MAP3K5: variants seen among roughly 807,000 people sequenced by gnomAD.
MAP3K5 encodes mitogen-activated protein kinase kinase kinase 5.
A neutral mutation model predicts 158.7 loss-of-function variants in MAP3K5; 56 were observed. That is an observed-to-expected ratio of 0.35 (90% CI 0.28 to 0.44). The LOEUF (loss-of-function observed/expected upper bound fraction) is 0.44. MAP3K5 is among the 20% of genes least tolerant of loss of function. MAP3K5 has a pLI of 1.00. For missense variants in MAP3K5, 1,294 were observed against 1,674.8 expected, an observed-to-expected ratio of 0.77 and a Z score of 3.97; for synonymous variants, 579 against 601.7, an observed-to-expected ratio of 0.96 and a Z score of 0.55.
At chr6:136,612,712 T>A (rs1776397196) in intron 17 of MAP3K5, among the ~76,000 whole-genome samples, 1 of 152,214 alleles carries the variant, frequency 6.6e-6, no homozygotes, top group African/African-American at 2.4e-5. Context: ...GGAATTTTTT[T>A]TCTTCTAACC....
In MAP3K5 at chr6:136,739,244, C is replaced by T. The variant is rs144572773; in HGVS notation, c.449-18655G>A. 9.0e-3 allele frequency among the ~76,000 whole-genome samples: 1,369 copies of T among 152,244 alleles called. 10 individuals are homozygous for T. The highest frequency in any genetic ancestry group is 0.041 in the Middle Eastern group (12 of 294). On this transcript the variant is annotated intron_variant, in intron 1 of 29. Transcript: ENST00000359015. ...CAGGCATTACAAATGGCCATGGTGT[C>T]GCTCCTGCCTGCTATGCCTGGGGTG... is the stretch of plus-strand genomic sequence containing the variant.
intron 14 of MAP3K5, among the ~76,000 whole-genome samples, chr6:136,633,225 C>G (rs915122312): frequency 1.3e-5 from 2 of 151,710 alleles, no homozygotes; most frequent in South Asian, 2.1e-4. Context: ...ATGGTGAAAC[C>G]CTGTCTCTAC....
intron 26 of MAP3K5, among the ~76,000 whole-genome samples, chr6:136,566,089 C>T (rs1017725031): frequency 2.6e-5 from 4 of 152,072 alleles, no homozygotes; most frequent in Non-Finnish European, 5.9e-5. Context: ...AGAAAGCGGC[C>T]GGAAGCCCTC....
At chr6:136,642,790 C>T (rs2114323901) in intron 11 of MAP3K5, among the ~76,000 whole-genome samples, 1 of 152,120 alleles carries the variant, frequency 6.6e-6, no homozygotes, top group South Asian at 2.1e-4. Flanking sequence ...AAAACAGCTT[C>T]CAAAAGAGCC....
chr6:136,594,809 T>C (rs1177824532), intron 21 of MAP3K5, among the ~76,000 whole-genome samples: 2 of 152,050 alleles, frequency 1.3e-5, no homozygotes, highest in Non-Finnish European at 2.9e-5. Context: ...TGTTTGTGTG[T>C]GTGTGTGTGT....
chr6:136,752,103 TC>T (rs1436582111), intron 1 of MAP3K5, among the ~76,000 whole-genome samples: 2 of 152,176 alleles, frequency 1.3e-5, no homozygotes, highest in Admixed American at 1.3e-4. Context: ...TCCCTCCTTC[TC>T]CCGTTCCCTC....
intron 2 of MAP3K5, among the ~76,000 whole-genome samples, chr6:136,710,369 A>G (rs1471270933): frequency 6.6e-6 from 1 of 152,092 alleles, no homozygotes; most frequent in East Asian, 1.9e-4. Flanking sequence ...ACAACTCCAT[A>G]CTTGTCTGAG....
intron 7 of MAP3K5, among the ~76,000 whole-genome samples, chr6:136,685,068 C>A (rs1349437164): frequency 6.6e-6 from 1 of 152,056 alleles, no homozygotes; most frequent in African/African-American, 2.4e-5. Context: ...GTAATCCCAG[C>A]ACTTTGGGAG....
chr6:136,591,376 G>A (rs1775379967), intron 23 of MAP3K5, among the ~76,000 whole-genome samples: 1 of 152,246 alleles, frequency 6.6e-6, no homozygotes, highest in Non-Finnish European at 1.5e-5. Flanking sequence ...CAGGGCGGGT[G>A]CCCGCCTGGT....
intron 28 of MAP3K5, among the ~76,000 whole-genome samples, chr6:136,560,005 T>C (rs1329960810): frequency 6.6e-6 from 1 of 152,198 alleles, no homozygotes; most frequent in African/African-American, 2.4e-5. Context: ...AAATTCTACT[T>C]AGTTAATAAA....
chr6:136,605,996 T>G (rs1776082442), intron 18 of MAP3K5, among the ~76,000 whole-genome samples: 1 of 152,178 alleles, frequency 6.6e-6, no homozygotes, highest in Non-Finnish European at 1.5e-5. Context: ...ACTAACAGGT[T>G]TAAGAGATCA....
rs921413089 is a variant in MAP3K5, at chr6:136,631,519, CT to C, written c.2016+5805del. On this transcript the variant is annotated intron_variant, in intron 14 of 29. Coordinates refer to ENST00000359015, the MANE Select transcript of MAP3K5 (RefSeq NM_005923.4). The stretch of plus-strand genomic sequence containing the variant: ...TGAAAATAATGTCACTTTTTTTTTT[CT>C]TTTTTTTTTTTAGACAGGGTCTGGC... 5.6e-3 allele frequency among the ~76,000 whole-genome samples: 781 copies of C among 138,804 alleles called. 5 individuals carry two copies. The highest frequency in any genetic ancestry group is 0.016 in the African/African-American group (608 of 38,018). 91.1% of individuals were successfully genotyped at this position (138,804 alleles called of 152,430 possible). A position where few individuals can be genotyped will look rare whatever the true frequency, so the allele number is the denominator to read the frequency against.
At chr6:136,669,636 A>G (rs1454717898) in intron 7 of MAP3K5, among the ~76,000 whole-genome samples, 3 of 151,962 alleles carry the variant, frequency 2.0e-5, no homozygotes, top group Admixed American at 2.0e-4. Context: ...TAGTCTTTAA[A>G]AAAATCCTCT....
intron 1 of MAP3K5, among the ~76,000 whole-genome samples, chr6:136,740,262 G>T (rs539729858): frequency 1.3e-5 from 2 of 152,108 alleles, no homozygotes; most frequent in African/African-American, 4.8e-5. Context: ...GGCTGGGGAC[G>T]GGGGAGGTGA....
chr6:136,608,655 C>A (rs1480361416), intron 18 of MAP3K5, among the ~76,000 whole-genome samples: 1 of 152,184 alleles, frequency 6.6e-6, no homozygotes, highest in East Asian at 1.9e-4. Context: ...CTATTACCAA[C>A]TAGCTTTGTG....
chr6:136,625,872 G>A (rs1438843241), intron 14 of MAP3K5, among the ~76,000 whole-genome samples: 1 of 151,958 alleles, frequency 6.6e-6, no homozygotes, highest in African/African-American at 2.4e-5. Flanking sequence ...TATAAAATAT[G>A]TACATTTAAC....
intron 1 of MAP3K5, among the ~76,000 whole-genome samples, chr6:136,759,186 G>T (rs1293080309): frequency 6.6e-6 from 1 of 151,732 alleles, no homozygotes; most frequent in Admixed American, 6.6e-5. Flanking sequence ...TAAAATAAAA[G>T]AATAGACTTT....
chr6:136,742,486 C>T (rs1782753760), intron 1 of MAP3K5, among the ~76,000 whole-genome samples: 1 of 151,374 alleles, frequency 6.6e-6, no homozygotes, highest in South Asian at 2.1e-4. Context: ...ACCTTACACC[C>T]TCTGCAGAAA....
chr6:136,639,725 A>G (rs991295250), intron 12 of MAP3K5, 87 bp from the exon 13 acceptor site: 4 of 648,592 alleles, frequency 6.2e-6, no homozygotes, highest in Middle Eastern at 3.6e-4. Flanking sequence ...TTTAAATTCA[A>G]TCCCATTTAT....
Sources: allele counts gnomAD v4.1 joint callset (sites outside exome capture counted in the v4.1 genomes callset), GRCh38; gene constraint gnomAD v4.1.1; transcripts MANE v1.5; gene names NCBI Gene and HGNC (gene_info 2026-07-23, HGNC 2026-07-21).